Variants in SLC14A2 observed in about 807,000 individuals in gnomAD.
The protein encoded by SLC14A2 is urea transporter 2.
Under a neutral mutation model 104.6 loss-of-function variants are expected in SLC14A2, and 91 were observed. That is an observed-to-expected ratio of 0.87 (90% CI 0.73 to 1.04). SLC14A2 has a LOEUF of 1.04. Among genes scored for constraint, SLC14A2 ranks in the 50% least tolerant of loss-of-function variants. The pLI, the probability that SLC14A2 is intolerant of heterozygous loss-of-function variation, is 0.00. For synonymous variants in SLC14A2, 476 were observed against 466.4 expected, an observed-to-expected ratio of 1.02 and a Z score of -0.27; for missense variants, 1,189 against 1,156.0, an observed-to-expected ratio of 1.03 and a Z score of -0.41.
intron 1 of SLC14A2, among the ~76,000 whole-genome samples, chr18:45,296,620 CATTA>C (rs1194957502): frequency 1.3e-5 from 2 of 152,132 alleles, no homozygotes; most frequent in Non-Finnish European, 2.9e-5. Flanking sequence ...TGCTGTTGGG[CATTA>C]ATTATAAGTA....
chr18:45,251,073 T>C (rs1056963805), intron 1 of SLC14A2, among the ~76,000 whole-genome samples: 8 of 152,184 alleles, frequency 5.3e-5, no homozygotes, highest in African/African-American at 1.4e-4. Flanking sequence ...GTTAAAGTAT[T>C]TGGTTACATA....
At chr18:45,323,911 C>T (rs2085209136) in intron 1 of SLC14A2, among the ~76,000 whole-genome samples, 1 of 152,154 alleles carries the variant, frequency 6.6e-6, no homozygotes, top group South Asian at 2.1e-4. Flanking sequence ...TCACCCTTCT[C>T]AGAGATGACT....
intron 1 of SLC14A2, among the ~76,000 whole-genome samples, chr18:45,297,758 G>A (rs900392386): frequency 2.6e-5 from 4 of 152,078 alleles, no homozygotes; most frequent in Non-Finnish European, 5.9e-5. Flanking sequence ...CACCATTCCC[G>A]GCTGGACAAA....
In SLC14A2 at chr18:45,671,326, T is replaced by A. The variant is rs538975548; in HGVS notation, c.2230-1574T>A. Reference sequence around the variant, plus strand: ...GAAAGAAAAATTCAATTTTGTGGCATTATTCTTTAAGAAGTAACTTTCTGG... The same window carrying A: ...GAAAGAAAAATTCAATTTTGTGGCAATATTCTTTAAGAAGTAACTTTCTGG... On this transcript the variant is annotated intron_variant, in intron 16 of 19. Transcript: ENST00000255226. Among the ~76,000 whole-genome samples, 7 of 152,290 alleles carry A rather than the reference T, an allele frequency of 4.6e-5. No homozygotes were observed. The South Asian group carries it at 1.5e-3, about 32-fold the overall frequency.
intron 2 of SLC14A2, among the ~76,000 whole-genome samples, chr18:45,595,765 G>A (rs1038490067): frequency 1.3e-5 from 2 of 152,182 alleles, no homozygotes; most frequent in Middle Eastern, 3.4e-3. Context: ...GGTACTCAGC[G>A]GCAGCCTTTG....
chr18:45,356,773 G>A (rs981068878), intron 1 of SLC14A2, among the ~76,000 whole-genome samples: 3 of 152,170 alleles, frequency 2.0e-5, no homozygotes, highest in Non-Finnish European at 4.4e-5. Flanking sequence ...CAGAAACTCT[G>A]GGTAGTGTCT....
intron 2 of SLC14A2, chr18:45,527,760 T>C (rs946785977): frequency 6.6e-6 from 1 of 152,232 alleles, no homozygotes; most frequent in African/African-American, 2.4e-5. Flanking sequence ...AATGCAATGA[T>C]ATATTTTTAA....
chr18:45,443,596 G>A (rs181568391), intron 1 of SLC14A2, among the ~76,000 whole-genome samples: 3 of 152,052 alleles, frequency 2.0e-5, no homozygotes, highest in Non-Finnish European at 2.9e-5. Context: ...AAGAGTTAGA[G>A]TAATCTTTGT....
chr18:45,386,942 T>G (rs906895337), intron 1 of SLC14A2, among the ~76,000 whole-genome samples: 1 of 152,226 alleles, frequency 6.6e-6, no homozygotes, highest in Non-Finnish European at 1.5e-5. Flanking sequence ...TTAGAATAAT[T>G]GTGATTCAGT....
chr18:45,237,668 A>G (rs1276079129), intron 1 of SLC14A2, among the ~76,000 whole-genome samples: 5 of 152,230 alleles, frequency 3.3e-5, no homozygotes, highest in African/African-American at 1.2e-4. Flanking sequence ...CATTAGATGT[A>G]TCATCTAAGA....
intron 1 of SLC14A2, among the ~76,000 whole-genome samples, chr18:45,319,323 A>T (rs2085162219): frequency 6.6e-6 from 1 of 152,262 alleles, no homozygotes; most frequent in African/African-American, 2.4e-5. Flanking sequence ...GAGGCCTCTT[A>T]AAGGCAACAT....
intron 1 of SLC14A2, among the ~76,000 whole-genome samples, chr18:45,260,670 G>A (rs1250151828): frequency 6.6e-6 from 1 of 152,138 alleles, no homozygotes; most frequent in Non-Finnish European, 1.5e-5. Flanking sequence ...CAACATGGAT[G>A]CAGCTGGAGG....
chr18:45,236,893 G>A (rs911468545), intron 1 of SLC14A2, among the ~76,000 whole-genome samples: 13 of 152,018 alleles, frequency 8.6e-5, no homozygotes, highest in African/African-American at 2.9e-4. Context: ...GTCAACCAAT[G>A]TCTGTTGGTG....
At chr18:45,680,088 G>A (rs555351256) in intron 19 of SLC14A2, among the ~76,000 whole-genome samples, 3 of 152,144 alleles carry the variant, frequency 2.0e-5, no homozygotes, top group Non-Finnish European at 4.4e-5. Flanking sequence ...TTTTAGAACC[G>A]GGGTTGAATA....
At chr18:45,391,390 A>G (rs36188583) in intron 1 of SLC14A2, among the ~76,000 whole-genome samples, 2,781 of 152,282 alleles carry the variant, frequency 0.018, 49 homozygotes, top group Non-Finnish European at 0.027. Context: ...AAACATACGT[A>G]TGCATGTGTC....
chr18:45,648,367 A>G (rs2045662812), intron 10 of SLC14A2, among the ~76,000 whole-genome samples: 2 of 151,814 alleles, frequency 1.3e-5, no homozygotes, highest in Admixed American at 6.6e-5. Context: ...CACCACGACC[A>G]GCTAATTTTT....
intron 2 of SLC14A2, among the ~76,000 whole-genome samples, chr18:45,534,062 T>C (rs918975081): frequency 2.6e-5 from 4 of 152,226 alleles, no homozygotes; most frequent in African/African-American, 9.7e-5. Context: ...CTTAAGCTTT[T>C]GTGCTTCCCA....
At chr18:45,513,091 C>T (rs1291341342) in intron 2 of SLC14A2, among the ~76,000 whole-genome samples, 1 of 152,200 alleles carries the variant, frequency 6.6e-6, no homozygotes, top group East Asian at 1.9e-4. Context: ...CTCAGTGAAG[C>T]AGTATCCTGA....
At chr18:45,285,882 G>A (rs995776563) in intron 1 of SLC14A2, among the ~76,000 whole-genome samples, 2 of 152,132 alleles carry the variant, frequency 1.3e-5, no homozygotes, top group Admixed American at 6.5e-5. Context: ...GTGGTTCTCA[G>A]CCATGGCTTC....
Sources: gnomAD v4.1 joint callset for allele counts (sites outside exome capture counted in the v4.1 genomes callset) on GRCh38, gnomAD v4.1.1 for gene constraint, MANE v1.5 for transcripts, NCBI Gene and HGNC (gene_info 2026-07-23, HGNC 2026-07-21) for gene names.